The following KIF16B variants were observed in gnomAD, a reference collection of about 807,000 sequenced individuals.
KIF16B encodes the protein kinesin-like protein KIF16B.
A neutral mutation model predicts 156.3 loss-of-function variants in KIF16B; 98 were observed. The ratio of observed to expected loss-of-function variants is 0.63; its 90% confidence interval spans 0.53 to 0.74. KIF16B has a LOEUF of 0.74. KIF16B is among the 30% of genes least tolerant of loss of function. The pLI is 0.00. For synonymous variants in KIF16B, 564 were observed against 583.7 expected (o/e 0.97, Z 0.49); for missense variants, 1,421 against 1,606.5 (o/e 0.88, Z 1.97).
At chr20:16,343,412 T>C (rs561391687) in intron 23 of KIF16B, among the ~76,000 whole-genome samples, 1 of 152,338 alleles carries the variant, frequency 6.6e-6, no homozygotes, top group East Asian at 1.9e-4. Flanking sequence ...CAGTTTTTCA[T>C]TCAAGGAATC....
intron 25 of KIF16B, among the ~76,000 whole-genome samples, chr20:16,285,283 T>G (rs946201764): frequency 2.0e-5 from 3 of 152,216 alleles, no homozygotes; most frequent in Non-Finnish European, 4.4e-5. Context: ...TTAAAATTTA[T>G]TTTTAAAATG....
intron 25 of KIF16B, among the ~76,000 whole-genome samples, chr20:16,276,143 A>C (rs1464194898): frequency 6.6e-6 from 1 of 152,240 alleles, no homozygotes; most frequent in Non-Finnish European, 1.5e-5. Flanking sequence ...GCTGACTTCA[A>C]GATGAACTCT....
intron 5 of KIF16B, 67 bp from the exon 6 acceptor site, chr20:16,511,594 T>C: frequency 1.0e-6 from 1 of 988,444 alleles, no homozygotes. Context: ...TAACAACACA[T>C]AACAGCAGCA....
chr20:16,435,698 AG>A (rs1156433952), intron 12 of KIF16B, among the ~76,000 whole-genome samples: 1 of 152,026 alleles, frequency 6.6e-6, no homozygotes, highest in Non-Finnish European at 1.5e-5. Flanking sequence ...TATTTCTTTC[AG>A]TTTCTGATTG....
At chr20:16,509,154 A>T (rs532469627) in intron 6 of KIF16B, among the ~76,000 whole-genome samples, 1 of 152,246 alleles carries the variant, frequency 6.6e-6, no homozygotes, top group Non-Finnish European at 1.5e-5. Context: ...AACATTCTGT[A>T]TCAGTTAAGG....
chr20:16,273,456 A>G (rs1368398268), intron 25 of KIF16B, 45 bp from the exon 26 acceptor site: 1 of 1,577,756 alleles, frequency 6.3e-7, no homozygotes. Context: ...TTGGGAGGTC[A>G]AGGCGGGTGG....
At chr20:16,275,800 G>A (rs1476122555) in intron 25 of KIF16B, among the ~76,000 whole-genome samples, 4 of 152,090 alleles carry the variant, frequency 2.6e-5, no homozygotes, top group South Asian at 2.1e-4. Flanking sequence ...ACTTTTCTGC[G>A]GGAAGGGACC....
chr20:16,375,140 C>A (rs1425748523), intron 19 of KIF16B, among the ~76,000 whole-genome samples: 1 of 152,180 alleles, frequency 6.6e-6, no homozygotes, highest in Admixed American at 6.5e-5. Flanking sequence ...ATTCTCCCAC[C>A]GGCCCAGGCA....
At chr20:16,452,834 CAA>C (rs1211764269) in intron 12 of KIF16B, among the ~76,000 whole-genome samples, 2 of 79,218 alleles carry the variant, frequency 2.5e-5, no homozygotes, top group Non-Finnish European at 2.5e-5. Flanking sequence ...GACTCCGTCT[CAA>C]AAAAAAAAAA....
intron 3 of KIF16B, among the ~76,000 whole-genome samples, chr20:16,520,010 C>G (rs1448381401): frequency 6.6e-6 from 1 of 152,168 alleles, no homozygotes; most frequent in Non-Finnish European, 1.5e-5. Context: ...GCTTTTCCCA[C>G]AGTCTTCGCA....
At chr20:16,571,625 C>T (rs950009197) in intron 1 of KIF16B, among the ~76,000 whole-genome samples, 6 of 151,488 alleles carry the variant, frequency 4.0e-5, no homozygotes, top group African/African-American at 9.7e-5. Flanking sequence ...AGGTGCTTAA[C>T]AAATACTTTT....
At chr20:16,526,348 A>C in intron 2 of KIF16B, 143 bp from the exon 3 acceptor site, 1 of 429,248 alleles carries the variant, frequency 2.3e-6, no homozygotes, top group Non-Finnish European at 4.1e-6. Context: ...TTTAAATATA[A>C]ACTAAACTCC....
intron 23 of KIF16B, among the ~76,000 whole-genome samples, chr20:16,338,274 T>C (rs1000985297): frequency 6.6e-6 from 1 of 152,182 alleles, no homozygotes; most frequent in Non-Finnish European, 1.5e-5. Flanking sequence ...GTCGATACTC[T>C]TGTTCTTCAC....
Position 16,545,989 on chromosome 20 carries a change from G to A in KIF16B, c.48-17549C>T, listed in dbSNP as rs2070391935. Among the ~76,000 whole-genome samples, 4 of 152,194 alleles carry A rather than the reference G, an allele frequency of 2.6e-5. No individual in the cohort carries two copies. The South Asian group carries it at 8.3e-4, about 32-fold the overall frequency. On this transcript the variant is annotated intron_variant, in intron 1 of 25. Coordinates refer to ENST00000354981, the MANE Select transcript of KIF16B (RefSeq NM_024704.5). ...CAGCTAAATGCCATATACCAGCTAGGGAAGGGATACTGGTATAATTCAAAC... is the reference window on the plus strand; with the variant it reads ...CAGCTAAATGCCATATACCAGCTAGAGAAGGGATACTGGTATAATTCAAAC...
At chr20:16,331,372 G>C (rs1006892294) in intron 24 of KIF16B, among the ~76,000 whole-genome samples, 2 of 152,140 alleles carry the variant, frequency 1.3e-5, no homozygotes, top group African/African-American at 2.4e-5. Flanking sequence ...TGAATGGGCA[G>C]GATATCATTT....
At chr20:16,495,388 G>C (rs528652655) in intron 11 of KIF16B, among the ~76,000 whole-genome samples, 1 of 152,190 alleles carries the variant, frequency 6.6e-6, no homozygotes, top group Non-Finnish European at 1.5e-5. Context: ...ACTGGAAAGG[G>C]TATTCAAGGC....
rs1368568533 is a variant in KIF16B at position 16,378,877 on chromosome 20, C to T, written c.3125G>A (p.Gly1042Asp). ...QRQKLASLNSGSREQSGLQAS... is the reference protein window; with the variant it reads ...QRQKLASLNSDSREQSGLQAS... ...CTGGAGCCCTGACTGCTCTCTGCTGCCACTGTTCAGACTGGCAAGTTTCTG... is the reference window on the plus strand; with the variant it reads ...CTGGAGCCCTGACTGCTCTCTGCTGTCACTGTTCAGACTGGCAAGTTTCTG... Residue 1042 changes from glycine to aspartate, a missense_variant, in exon 19 of 26, where the codon GGC becomes GAC. By Grantham distance (94) the Gly-to-Asp change is moderately conservative. Transcript: ENST00000354981. 2 of 1,614,140 alleles carry T rather than the reference C, an allele frequency of 1.2e-6. No homozygotes were observed. The highest frequency in any genetic ancestry group is 1.1e-5 in the South Asian group (1 of 91,078).
intron 17 of KIF16B, among the ~76,000 whole-genome samples, chr20:16,403,421 G>A (rs1196966749): frequency 6.6e-6 from 1 of 152,210 alleles, no homozygotes; most frequent in African/African-American, 2.4e-5. Flanking sequence ...GTTGCTCTGA[G>A]AATGTTCTCC....
At chr20:16,358,019 C>T (rs1323326430) in intron 22 of KIF16B, among the ~76,000 whole-genome samples, 1 of 152,072 alleles carries the variant, frequency 6.6e-6, no homozygotes, top group Non-Finnish European at 1.5e-5. Flanking sequence ...GCAGGCCTGT[C>T]TGAACTAAAA....
Sources: allele counts gnomAD v4.1 joint callset (sites outside exome capture counted in the v4.1 genomes callset), GRCh38; gene constraint gnomAD v4.1.1; transcripts MANE v1.5; gene names NCBI Gene and HGNC (gene_info 2026-07-23, HGNC 2026-07-21).